The following EPHA6 variants were observed in gnomAD, a reference collection of about 807,000 sequenced individuals.
EPHA6 encodes the protein ephrin type-A receptor 6.
EPHA6 carries 50 observed loss-of-function variants against 112.0 expected under a neutral mutation model. The observed-to-expected ratio is 0.45, with a 90% CI of 0.36 to 0.56. EPHA6 has a LOEUF of 0.56. EPHA6 is among the 20% of genes least tolerant of loss of function. The pLI is 0.00. For missense variants in EPHA6, 1,280 were observed against 1,417.4 expected, an observed-to-expected ratio of 0.90 and a Z score of 1.56; for synonymous variants, 529 against 490.7, an observed-to-expected ratio of 1.08 and a Z score of -1.03.
Position 96,987,434 on chromosome 3 carries a change from G to T in EPHA6, c.555G>T (p.Trp185Cys). Residue 185 changes from tryptophan (W) to cysteine (C), a missense_variant, in exon 3 of 18, where the codon TGG (tryptophan) becomes TGT (cysteine). This residue lies in a region of EPHA6 where 878 missense variants were observed against 999.7 expected (regional missense o/e 0.88). Coordinates refer to ENST00000389672, the MANE Select transcript of EPHA6 (RefSeq NM_001080448.3). ...PNQNNWLRTN[W>C]ISRDAAQKIY... Reference sequence around the variant, plus strand: ...AAAACAACTGGCTTCGTACAAACTGGATCTCCCGTGATGCAGCTCAGAAAA... The same window carrying T: ...AAAACAACTGGCTTCGTACAAACTGTATCTCCCGTGATGCAGCTCAGAAAA... The T allele has an allele frequency of 6.2e-7, 1 of 1,613,908 alleles. No homozygotes were observed. Among genetic ancestry groups the T allele is most frequent in the South Asian group, 1.1e-5 (1 of 91,080 alleles).
intron 3 of EPHA6, among the ~76,000 whole-genome samples, chr3:97,134,032 T>TTTTAA (rs1464831593): frequency 6.6e-6 from 1 of 151,918 alleles, no homozygotes; most frequent in Non-Finnish European, 1.5e-5. Flanking sequence ...TTTGTTTTCA[T>TTTTAA]GAAATTTTAA....
intron 3 of EPHA6, among the ~76,000 whole-genome samples, chr3:97,044,379 A>G (rs564394745): frequency 3.3e-5 from 5 of 152,180 alleles, no homozygotes; most frequent in Admixed American, 6.6e-5. Flanking sequence ...GCTTTTACAG[A>G]CATGATTGCC....
intron 14 of EPHA6, among the ~76,000 whole-genome samples, chr3:97,683,095 C>A (rs1352948608): frequency 6.6e-6 from 1 of 152,116 alleles, no homozygotes; most frequent in Non-Finnish European, 1.5e-5. Flanking sequence ...TCAGAAACCT[C>A]TAGAAAACTT....
chr3:97,035,928 A>G (rs1170725968), intron 3 of EPHA6, among the ~76,000 whole-genome samples: 9 of 151,956 alleles, frequency 5.9e-5, no homozygotes, highest in Non-Finnish European at 1.3e-4. Flanking sequence ...TGGGGCCTTT[A>G]AGAGGTAATT....
At chr3:96,977,752 C>T (rs1188670364) in intron 2 of EPHA6, among the ~76,000 whole-genome samples, 1 of 152,130 alleles carries the variant, frequency 6.6e-6, no homozygotes, top group African/African-American at 2.4e-5. Flanking sequence ...TAATAGCCTA[C>T]TGTTTATCAG....
chr3:97,250,483 C>A (rs970354029), intron 5 of EPHA6, among the ~76,000 whole-genome samples: 7 of 152,146 alleles, frequency 4.6e-5, no homozygotes, highest in Middle Eastern at 3.4e-3. Context: ...GTTTTGGTGC[C>A]TCTATTACTA....
At chr3:97,635,803 A>G (rs868095281) in intron 13 of EPHA6, among the ~76,000 whole-genome samples, 2 of 152,134 alleles carry the variant, frequency 1.3e-5, no homozygotes, top group African/African-American at 4.8e-5. Flanking sequence ...TATGGTACAC[A>G]AATTATATTT....
chr3:97,481,312 A>G, intron 9 of EPHA6: 1 of 1,550,304 alleles, frequency 6.5e-7, no homozygotes, highest in Non-Finnish European at 8.9e-7. Flanking sequence ...TTGGAGGGAG[A>G]TTCCAGTTGT....
chr3:96,934,144 G>A (rs2040468121), intron 2 of EPHA6, among the ~76,000 whole-genome samples: 4 of 151,572 alleles, frequency 2.6e-5, no homozygotes, highest in Non-Finnish European at 5.9e-5. Flanking sequence ...TATTCACAGG[G>A]GCAAGTAAAT....
At chr3:97,269,755 C>G (rs1210250122) in intron 5 of EPHA6, among the ~76,000 whole-genome samples, 1 of 151,700 alleles carries the variant, frequency 6.6e-6, no homozygotes, top group African/African-American at 2.4e-5. Context: ...ATCAGTCATT[C>G]TCTTCCAACA....
At chr3:97,467,258 GA>G (rs2091086054) in intron 7 of EPHA6, among the ~76,000 whole-genome samples, 1 of 151,456 alleles carries the variant, frequency 6.6e-6, no homozygotes, top group Non-Finnish European at 1.5e-5. Context: ...AAATTATTTA[GA>G]TTTTTTTTCT....
chr3:97,290,156 C>G (rs577053912), intron 5 of EPHA6, among the ~76,000 whole-genome samples: 44 of 151,958 alleles, frequency 2.9e-4, no homozygotes, highest in African/African-American at 1.0e-3. Context: ...TGATGGGTCC[C>G]GGTTTTCATT....
At chr3:97,065,491 A>G (rs1417493348) in intron 3 of EPHA6, among the ~76,000 whole-genome samples, 1 of 139,774 alleles carries the variant, frequency 7.2e-6, no homozygotes, top group African/African-American at 2.7e-5. Flanking sequence ...TGTGTGTAGA[A>G]CTCAAGGGGT....
intron 7 of EPHA6, among the ~76,000 whole-genome samples, chr3:97,453,493 G>A (rs1340295647): frequency 6.6e-6 from 1 of 151,540 alleles, no homozygotes; most frequent in East Asian, 1.9e-4. Context: ...ACATCTGTCA[G>A]CATTTTAAAA....
intron 5 of EPHA6, among the ~76,000 whole-genome samples, chr3:97,390,540 C>A (rs1454508059): frequency 6.6e-6 from 1 of 151,418 alleles, no homozygotes; most frequent in African/African-American, 2.4e-5. Flanking sequence ...TATAATTATT[C>A]ATACACACAC....
At chr3:97,217,501 T>C (rs2078066414) in intron 3 of EPHA6, among the ~76,000 whole-genome samples, 1 of 152,140 alleles carries the variant, frequency 6.6e-6, no homozygotes, top group South Asian at 2.1e-4. Context: ...GATTGTCAAA[T>C]AGTAGTTTTT....
At chr3:96,919,896 C>T (rs10428152) in intron 2 of EPHA6, among the ~76,000 whole-genome samples, 10,554 of 151,772 alleles carry the variant, frequency 0.07, 728 homozygotes, top group Admixed American at 0.21. Context: ...CTCAAAAGAT[C>T]GAAGTTCTCC....
At chr3:97,628,827 G>T (rs2093879751) in intron 13 of EPHA6, among the ~76,000 whole-genome samples, 1 of 152,024 alleles carries the variant, frequency 6.6e-6, no homozygotes, top group South Asian at 2.1e-4. Flanking sequence ...TTGTGTGCAT[G>T]TGGTTATATT....
chr3:97,605,632 G>A (rs1165308373), intron 12 of EPHA6, among the ~76,000 whole-genome samples: 2 of 151,650 alleles, frequency 1.3e-5, no homozygotes, highest in Non-Finnish European at 3.0e-5. Context: ...CCAGTACCCT[G>A]CTGTTTTGGT....
Sources: gnomAD v4.1 joint callset for allele counts (sites outside exome capture counted in the v4.1 genomes callset) on GRCh38, gnomAD v4.1.1 for gene constraint, gnomAD v4.1.1 regional missense constraint, MANE v1.5 for transcripts, NCBI Gene and HGNC (gene_info 2026-07-23, HGNC 2026-07-21) for gene names.